Variants in TACC1 observed in about 807,000 individuals in gnomAD.
TACC1 encodes transforming acidic coiled-coil containing protein 1.
TACC1 carries 48 observed loss-of-function variants against 84.4 expected under a neutral mutation model. That is an observed-to-expected ratio of 0.57 (90% confidence interval 0.45 to 0.72). TACC1 has a LOEUF of 0.72. Ranked by LOEUF, TACC1 falls within the 30% of genes least tolerant of loss-of-function variation. TACC1 has a pLI of 0.00. For missense variants in TACC1, 920 were observed against 973.0 expected, an observed-to-expected ratio of 0.95 and a Z score of 0.72; for synonymous variants, 372 against 376.3, an observed-to-expected ratio of 0.99 and a Z score of 0.13.
chr8:38,843,796 A>G (rs1185616223), intron 11 of TACC1, among the ~76,000 whole-genome samples: 1 of 152,194 alleles, frequency 6.6e-6, no homozygotes, highest in African/African-American at 2.4e-5. Flanking sequence ...GTTGGAATGT[A>G]TCATTTATTT....
chr8:38,793,468 A>C (rs1490512819), intron 2 of TACC1, among the ~76,000 whole-genome samples: 1 of 152,188 alleles, frequency 6.6e-6, no homozygotes, highest in Non-Finnish European at 1.5e-5. Context: ...CAATGGTCAC[A>C]CGATTATGTG....
intron 1 of TACC1, chr8:38,742,302 T>C (rs547029715): frequency 4.7e-4 from 385 of 813,132 alleles, no homozygotes; most frequent in Non-Finnish European, 6.0e-4. Flanking sequence ...GCTGGAAACT[T>C]ACCTTATGAT....
At chr8:38,815,662 G>A (rs1005751153) in intron 2 of TACC1, among the ~76,000 whole-genome samples, 4 of 152,080 alleles carry the variant, frequency 2.6e-5, no homozygotes, top group Non-Finnish European at 5.9e-5. Flanking sequence ...CAGGTGATCT[G>A]CCCGCCTCGG....
chr8:38,773,613 T>G (rs62505808), intron 3 of TACC1, among the ~76,000 whole-genome samples: 21,350 of 151,238 alleles, frequency 0.14, 1,784 homozygotes, highest in Non-Finnish European at 0.19. Flanking sequence ...TAGCTATCTA[T>G]CTAGCTATCT....
chr8:38,737,102 G>A (rs1319477585), intron 1 of TACC1, among the ~76,000 whole-genome samples: 1 of 152,138 alleles, frequency 6.6e-6, no homozygotes, highest in Non-Finnish European at 1.5e-5. Context: ...TTTACCAGGT[G>A]GGGAAAATTA....
At chr8:38,844,048 C>CT (rs1831758602) in intron 11 of TACC1, among the ~76,000 whole-genome samples, 1 of 152,168 alleles carries the variant, frequency 6.6e-6, no homozygotes, top group Non-Finnish European at 1.5e-5. Context: ...GAGAGCATCT[C>CT]TTTTTTCTAC....
intron 5 of TACC1, among the ~76,000 whole-genome samples, chr8:38,830,353 C>A (rs1375575973): frequency 3.9e-5 from 6 of 152,214 alleles, no homozygotes; most frequent in African/African-American, 1.4e-4. Flanking sequence ...CAACTCACTG[C>A]AACCTCCAGC....
chr8:38,778,866 T>G (rs546371245), intron 3 of TACC1, among the ~76,000 whole-genome samples: 15 of 152,244 alleles, frequency 9.9e-5, no homozygotes, highest in African/African-American at 3.6e-4. Context: ...AAAGAGATGT[T>G]AAAATTAATC....
chr8:38,824,337 A>G (rs1563818515), intron 3 of TACC1, among the ~76,000 whole-genome samples: 1 of 152,150 alleles, frequency 6.6e-6, no homozygotes, highest in Non-Finnish European at 1.5e-5. Context: ...GGTTTGAGGG[A>G]CTGTTCTGCT....
chr8:38,731,479 T>C (rs1185315433), intron 1 of TACC1, among the ~76,000 whole-genome samples: 1 of 152,214 alleles, frequency 6.6e-6, no homozygotes, highest in Admixed American at 6.5e-5. Flanking sequence ...GCATCTGGCA[T>C]ATGATAAACA....
At chr8:38,818,211 G>A (rs1438812480) in intron 2 of TACC1, among the ~76,000 whole-genome samples, 1 of 152,106 alleles carries the variant, frequency 6.6e-6, no homozygotes, top group Non-Finnish European at 1.5e-5. Context: ...ACTCCAGCCT[G>A]GGTAACAGAG....
intron 2 of TACC1, among the ~76,000 whole-genome samples, chr8:38,807,748 T>C (rs1823104491): frequency 6.6e-6 from 1 of 152,260 alleles, no homozygotes; most frequent in Admixed American, 6.5e-5. Context: ...AGTTTTTTCA[T>C]AGATTTGAAT....
chr8:38,842,217 A>G, intron 9 of TACC1, 70 bp from the exon 10 acceptor site: 1 of 1,542,428 alleles, frequency 6.5e-7, no homozygotes, highest in Non-Finnish European at 8.8e-7. Context: ...CCACGAGAAC[A>G]CTGCTTGTCT....
intron 3 of TACC1, among the ~76,000 whole-genome samples, chr8:38,822,608 T>A (rs1431789647): frequency 6.6e-6 from 1 of 152,218 alleles, no homozygotes; most frequent in Non-Finnish European, 1.5e-5. Flanking sequence ...TTTTAAGAAG[T>A]TTTGACTCTT....
chr8:38,803,937 TTTTAGA>T (rs1160858308), intron 2 of TACC1, among the ~76,000 whole-genome samples: 1 of 152,360 alleles, frequency 6.6e-6, no homozygotes, highest in East Asian at 1.9e-4. Context: ...TCTCTGCCTG[TTTTAGA>T]TTCATTCAGA....
intron 6 of TACC1, 107 bp from the exon 7 acceptor site, chr8:38,836,055 A>C (rs1333473412): frequency 6.9e-7 from 1 of 1,449,370 alleles, no homozygotes; most frequent in African/African-American, 1.4e-5. Flanking sequence ...TTCTTTAAAC[A>C]TGGTTTTAAA....
At chr8:38,759,250 C>G (rs1810732819) in intron 3 of TACC1, among the ~76,000 whole-genome samples, 1 of 152,132 alleles carries the variant, frequency 6.6e-6, no homozygotes, top group Non-Finnish European at 1.5e-5. Flanking sequence ...ATAACAATAT[C>G]TACTTCACAG....
chr8:38,817,540 AT>A (rs1458479475), intron 2 of TACC1, among the ~76,000 whole-genome samples: 1 of 152,190 alleles, frequency 6.6e-6, no homozygotes, highest in African/African-American at 2.4e-5. Flanking sequence ...AGTTACCAAG[AT>A]TTTGCCATAC....
chr8:38,797,298 G>C (rs936083627), intron 2 of TACC1, among the ~76,000 whole-genome samples: 1 of 152,222 alleles, frequency 6.6e-6, no homozygotes, highest in Admixed American at 6.5e-5. Flanking sequence ...GAGACATATA[G>C]GGGCCGTCTT....
Sources: gnomAD v4.1 joint callset for allele counts (sites outside exome capture counted in the v4.1 genomes callset) on GRCh38, gnomAD v4.1.1 for gene constraint, MANE v1.5 for transcripts, NCBI Gene and HGNC (gene_info 2026-07-23, HGNC 2026-07-21) for gene names.